UNC13B: variants seen among roughly 807,000 people sequenced by gnomAD.
UNC13B encodes protein unc-13 homolog B.
In UNC13B, 144 loss-of-function variants were observed where a neutral mutation model predicts 211.0. The ratio of observed to expected loss-of-function variants is 0.68; its 90% CI spans 0.60 to 0.78. The LOEUF is 0.78. Among genes scored for constraint, UNC13B ranks in the 30% least tolerant of loss-of-function variants. The pLI is 0.00. For synonymous variants in UNC13B, 709 were observed against 725.8 expected, an observed-to-expected ratio of 0.98 and a Z score of 0.37; for missense variants, 1,777 against 2,002.0, an observed-to-expected ratio of 0.89 and a Z score of 2.14.
intron 1 of UNC13B, among the ~76,000 whole-genome samples, chr9:35,211,187 G>T (rs1564070264): frequency 6.6e-6 from 1 of 152,228 alleles, no homozygotes; most frequent in Non-Finnish European, 1.5e-5. Flanking sequence ...ACGGTGAAAA[G>T]TAAATCTTCT....
At position 35,324,113 on chromosome 9, in the gene UNC13B, A is replaced by T. The variant is rs149144193; in HGVS notation, c.9414+10124A>T. Among the ~76,000 whole-genome samples the T allele has an allele frequency of 8.2e-3, 1,246 of 152,274 alleles. 14 individuals are homozygous for T. Among genetic ancestry groups the T allele is most frequent in the Non-Finnish European group, 0.012 (839 of 68,022 alleles). ...CAACTGAGTGTTTAGAAAGATAGAA[A>T]CTTGTTCAGGATCACCCAGCTAGTA... is the stretch of plus-strand genomic sequence containing the variant. On this transcript the variant is annotated intron_variant, in intron 11 of 39. Transcript: ENST00000635942.
intron 1 of UNC13B, among the ~76,000 whole-genome samples, chr9:35,204,106 C>G (rs1185298291): frequency 6.6e-6 from 1 of 152,234 alleles, no homozygotes; most frequent in Non-Finnish European, 1.5e-5. Flanking sequence ...CAGAAGGGCC[C>G]AGGTATAGCT....
chr9:35,235,531 T>C (rs1227432714), intron 3 of UNC13B, among the ~76,000 whole-genome samples: 1 of 149,928 alleles, frequency 6.7e-6, no homozygotes. Flanking sequence ...CTCTGCCTCC[T>C]GGGTTCAAGT....
chr9:35,276,092 G>T (rs1425136111), intron 7 of UNC13B, among the ~76,000 whole-genome samples: 5 of 152,036 alleles, frequency 3.3e-5, no homozygotes, highest in African/African-American at 9.7e-5. Context: ...GGTTGTTTGA[G>T]CTCAGGAGTT....
At chr9:35,230,470 CAAAAAA>C (rs765330072) in intron 2 of UNC13B, among the ~76,000 whole-genome samples, 3 of 50,330 alleles carry the variant, frequency 6.0e-5, no homozygotes, top group Non-Finnish European at 8.6e-5. Context: ...GACTCTGTCT[CAAAAAA>C]AAAAAAAAAA....
intron 11 of UNC13B, among the ~76,000 whole-genome samples, chr9:35,325,210 A>G (rs1830940548): frequency 6.6e-6 from 1 of 152,228 alleles, no homozygotes; most frequent in African/African-American, 2.4e-5. Context: ...AACAGGATGT[A>G]GAGTAAGGAA....
chr9:35,196,224 T>G (rs1822931305), intron 1 of UNC13B, among the ~76,000 whole-genome samples: 1 of 152,218 alleles, frequency 6.6e-6, no homozygotes, highest in Admixed American at 6.5e-5. Context: ...GGTTATTGTA[T>G]TTGGGAGGTG....
intron 5 of UNC13B, among the ~76,000 whole-genome samples, chr9:35,240,172 A>G (rs1475700395): frequency 6.6e-6 from 1 of 152,170 alleles, no homozygotes; most frequent in Non-Finnish European, 1.5e-5. Context: ...ATGTCCATGA[A>G]ATCTTCACAA....
chr9:35,180,542 T>C (rs1169398487), intron 1 of UNC13B, among the ~76,000 whole-genome samples: 1 of 152,178 alleles, frequency 6.6e-6, no homozygotes, highest in South Asian at 2.1e-4. Context: ...TCAGTCGGTG[T>C]GAATTTGGTA....
At chr9:35,165,179 G>C (rs539833834) in intron 1 of UNC13B, among the ~76,000 whole-genome samples, 3 of 152,312 alleles carry the variant, frequency 2.0e-5, no homozygotes, top group Non-Finnish European at 4.4e-5. Context: ...CTGTCTTGTA[G>C]AAGTTATGTC....
At chr9:35,236,384 C>T in intron 3 of UNC13B, 85 bp from the exon 4 acceptor site, 1 of 1,099,422 alleles carries the variant, frequency 9.1e-7, no homozygotes. Flanking sequence ...GGTGAGAAAG[C>T]ATTCAAAGTT....
intron 31 of UNC13B, 103 bp from the exon 32 acceptor site, chr9:35,398,451 G>C: frequency 7.2e-7 from 1 of 1,380,140 alleles, no homozygotes; most frequent in South Asian, 1.2e-5. Context: ...TGCGAGGGAG[G>C]AATAGGCACT....
At chr9:35,323,808 A>G (rs1045974793) in intron 11 of UNC13B, among the ~76,000 whole-genome samples, 11 of 152,116 alleles carry the variant, frequency 7.2e-5, no homozygotes, top group Non-Finnish European at 1.5e-4. Flanking sequence ...AGCCATTACT[A>G]GATCCTTGCC....
rs1564127858 is a variant in UNC13B at position 35,310,481 on chromosome 9, G to A, written c.9023G>A (p.Ser3008Asn). The change falls in exon 10 of 40, where the codon AGT becomes AAT. Residue 3008 changes from serine (S) to asparagine (N), a missense_variant. Physicochemically the swap from Ser to Asn is conservative, Grantham distance 46. Transcript: ENST00000635942. ...PMTNKSPTSS[S>N]RYGSSCNVSQ... ...CATTCTCACAGCCCCACCAGCAGCAGTAGGTATGGCTCCTCCTGTAATGTG... is the reference window on the plus strand; with the variant it reads ...CATTCTCACAGCCCCACCAGCAGCAATAGGTATGGCTCCTCCTGTAATGTG... The A allele has an allele frequency of 6.2e-7, 1 of 1,613,138 alleles. No homozygotes were observed. The highest frequency in any genetic ancestry group is 8.5e-7 in the Non-Finnish European group (1 of 1,179,182).
intron 11 of UNC13B, among the ~76,000 whole-genome samples, chr9:35,362,929 G>A (rs1833526847): frequency 6.6e-6 from 1 of 152,182 alleles, no homozygotes; most frequent in Non-Finnish European, 1.5e-5. Flanking sequence ...CACTAGGATG[G>A]CCTTATTAAC....
At chr9:35,245,595 C>T (rs916105248) in intron 6 of UNC13B, among the ~76,000 whole-genome samples, 9 of 147,136 alleles carry the variant, frequency 6.1e-5, no homozygotes, top group Non-Finnish European at 1.0e-4. Flanking sequence ...TGAGAACATG[C>T]GATGTTTGGT....
rs956049656 is a variant in UNC13B, at chr9:35,271,608, C to T, written c.526+12558C>T. Among the ~76,000 whole-genome samples, 7 of 152,324 alleles carry T rather than the reference C, an allele frequency of 4.6e-5. No individual in the cohort carries two copies. In the East Asian group the frequency reaches 1.3e-3, roughly 29 times the overall value. ...ACCTAAAGTTTCTAAGGTATTTACA[C>T]TTCACTCTTCAATAAGGATAATATT... On this transcript the variant is annotated intron_variant, in intron 7 of 39. Transcript: ENST00000635942.
At position 35,305,077 on chromosome 9, in the gene UNC13B, T is replaced by C. The variant is rs1022982214; in HGVS notation, c.5673T>C (p.His1891=). 15 of 398,792 alleles carry C rather than the reference T, an allele frequency of 3.8e-5. No homozygotes were observed. In the Admixed American group the frequency reaches 4.4e-4, roughly 12 times the overall value. 24.7% of individuals were successfully genotyped at this position (398,792 alleles called of 1,614,324 possible). Residue 1891 remains histidine, a synonymous_variant, in exon 9 of 40, where the codon CAT becomes CAC. Transcript: ENST00000635942. ...DSISVSPAPQ[H]SGDERENYEL... is the part of the protein sequence containing the mutation. The stretch of plus-strand genomic sequence containing the variant: ...TTTCAGTTTCTCCTGCACCTCAGCA[T>C]AGTGGGGATGAGCGTGAGAATTATG...
At chr9:35,209,575 A>G (rs960282818) in intron 1 of UNC13B, among the ~76,000 whole-genome samples, 1 of 151,984 alleles carries the variant, frequency 6.6e-6, no homozygotes, top group Non-Finnish European at 1.5e-5. Context: ...ATGGGGTTTC[A>G]ACATGTTGGC....
Sources: allele counts gnomAD v4.1 joint callset (sites outside exome capture counted in the v4.1 genomes callset), GRCh38; gene constraint gnomAD v4.1.1; transcripts MANE v1.5; gene names NCBI Gene and HGNC (gene_info 2026-07-23, HGNC 2026-07-21).